Variants in PAPSS2 observed in about 807,000 individuals in gnomAD.
PAPSS2 encodes bifunctional 3'-phosphoadenosine 5'-phosphosulfate synthase 2.
Under a neutral mutation model 66.5 loss-of-function variants are expected in PAPSS2, and 61 were observed. The observed-to-expected ratio is 0.92, with a 90% confidence interval of 0.75 to 1.14. PAPSS2 has a LOEUF of 1.14. Among genes scored for constraint, PAPSS2 ranks in the 50% most tolerant of loss-of-function variants. The pLI is 0.00. For synonymous variants in PAPSS2, 289 were observed against 287.5 expected (o/e 1.01, Z -0.05); for missense variants, 708 against 789.6 (o/e 0.90, Z 1.24).
chr10:87,695,230 T>C (rs1853217678), intron 1 of PAPSS2, among the ~76,000 whole-genome samples: 1 of 152,224 alleles, frequency 6.6e-6, no homozygotes, highest in Non-Finnish European at 1.5e-5. Flanking sequence ...GGCTGCCTTC[T>C]TGCTATAAGC....
chr10:87,744,484 T>C (rs989392634), intron 11 of PAPSS2, among the ~76,000 whole-genome samples: 1 of 152,170 alleles, frequency 6.6e-6, no homozygotes, highest in African/African-American at 2.4e-5. Flanking sequence ...TTCTCTTCAA[T>C]CAGATAAAAG....
chr10:87,692,050 G>A (rs956577540), intron 1 of PAPSS2, among the ~76,000 whole-genome samples: 2 of 152,184 alleles, frequency 1.3e-5, no homozygotes, highest in African/African-American at 4.8e-5. Context: ...ACTTCTGGGA[G>A]CAATTAGCTA....
intron 1 of PAPSS2, among the ~76,000 whole-genome samples, chr10:87,706,759 A>AAACAAC (rs760847942): frequency 3.9e-5 from 6 of 151,974 alleles, no homozygotes; most frequent in Admixed American, 2.0e-4. Flanking sequence ...TCCCTGTCTC[A>AAACAAC]AACAACAACA....
intron 7 of PAPSS2, among the ~76,000 whole-genome samples, chr10:87,720,978 G>A (rs1177861648): frequency 1.3e-5 from 2 of 152,134 alleles, no homozygotes; most frequent in Non-Finnish European, 2.9e-5. Flanking sequence ...CATCCAAGTA[G>A]GATCAAGACA....
intron 7 of PAPSS2, among the ~76,000 whole-genome samples, 194 bp downstream of exon 7, chr10:87,716,037 G>T (rs375160772): frequency 3.3e-5 from 5 of 152,262 alleles, no homozygotes; most frequent in East Asian, 1.9e-4. Flanking sequence ...GTTCTCAAAG[G>T]TTGTTCCTTT....
chr10:87,714,808 A>G lies in PAPSS2; in HGVS notation c.584A>G (p.Asn195Ser), dbSNP rs990619445. The G allele has an allele frequency of 5.0e-6, 8 of 1,613,568 alleles. No homozygotes were observed. The highest frequency in any genetic ancestry group is 1.7e-5 in the Admixed American group (1 of 59,992). The part of the protein sequence containing the change: ...PETPERVLKT[N>S]LSTVSDCVHQ... ...ACTCCTGAGCGTGTGCTTAAAACCA[A>G]TTTGTCCACAGTGAGTGACTGTGTC... Residue 195 changes from asparagine (N) to serine (S), a missense_variant, in exon 5 of 13, where the codon AAT (asparagine) becomes AGT (serine). By Grantham distance (46) the Asn-to-Ser change is conservative. Transcript: ENST00000456849.
intron 2 of PAPSS2, among the ~76,000 whole-genome samples, chr10:87,712,140 TC>T (rs1404435570): frequency 6.6e-6 from 1 of 152,192 alleles, no homozygotes; most frequent in Non-Finnish European, 1.5e-5. Flanking sequence ...ATATAAAGAC[TC>T]TAGAGAATCT....
chr10:87,705,787 G>A (rs867963084), intron 1 of PAPSS2, among the ~76,000 whole-genome samples: 47 of 150,774 alleles, frequency 3.1e-4, no homozygotes, highest in African/African-American at 1.0e-3. Context: ...AGGCTGGAGC[G>A]TAGTGGCATG....
At chr10:87,707,995 T>C (rs1285527895) in intron 1 of PAPSS2, among the ~76,000 whole-genome samples, 1 of 152,214 alleles carries the variant, frequency 6.6e-6, no homozygotes. Context: ...CTGTCTGTCA[T>C]TAGAAATTCA....
intron 1 of PAPSS2, chr10:87,660,238 C>T (rs1372705635): frequency 9.9e-6 from 6 of 608,228 alleles, no homozygotes; most frequent in Admixed American, 2.9e-5. Flanking sequence ...ATCTGCGCTC[C>T]TTGGGGTCGC....
chr10:87,723,135 T>C (rs1853616476), intron 8 of PAPSS2, among the ~76,000 whole-genome samples: 1 of 152,238 alleles, frequency 6.6e-6, no homozygotes, highest in African/African-American at 2.4e-5. Flanking sequence ...CACATTTTGC[T>C]TTGCATTTTG....
In PAPSS2 at chr10:87,747,448, A is replaced by G. The variant is rs1001358059; in HGVS notation, c.*1478A>G. The G allele has an allele frequency of 1.3e-5, 2 of 152,318 alleles. No individual in the cohort carries two copies. The highest frequency in any genetic ancestry group is 4.8e-5 in the African/African-American group (2 of 41,400). 9.4% of individuals were successfully genotyped at this position (152,318 alleles called of 1,614,324 possible). The stretch of plus-strand genomic sequence containing the variant: ...GTTCTTTTGAGAATAAGTTACACAC[A>G]ATGGCCACAGCAGTTTGTCTTTAAT... On this transcript the variant is annotated 3_prime_UTR_variant, in exon 13 of 13. Transcript: ENST00000456849.
At chr10:87,712,651 C>T (rs1469783854) in intron 2 of PAPSS2, among the ~76,000 whole-genome samples, 2 of 151,988 alleles carry the variant, frequency 1.3e-5, no homozygotes, top group Non-Finnish European at 2.9e-5. Context: ...GATGCAGGGC[C>T]TCACTATGTT....
At chr10:87,724,197 C>A (rs528343013) in intron 8 of PAPSS2, among the ~76,000 whole-genome samples, 2 of 151,686 alleles carry the variant, frequency 1.3e-5, no homozygotes, top group East Asian at 3.9e-4. Context: ...TCCCTTTAAG[C>A]CCCAGACTGA....
At chr10:87,715,643 G>A (rs1450230457) in intron 6 of PAPSS2, 89 bp from the exon 7 acceptor site, 1 of 794,708 alleles carries the variant, frequency 1.3e-6, no homozygotes, top group Non-Finnish European at 2.2e-6. Flanking sequence ...TCATCCTCCT[G>A]TTAACTGAAT....
intron 9 of PAPSS2, among the ~76,000 whole-genome samples, chr10:87,731,644 T>G (rs2131723285): frequency 6.6e-6 from 1 of 152,292 alleles, no homozygotes; most frequent in South Asian, 2.1e-4. Flanking sequence ...ATATCAACAC[T>G]AATGGGAGTT....
At chr10:87,710,460 G>A (rs956724750) in intron 2 of PAPSS2, among the ~76,000 whole-genome samples, 2 of 152,172 alleles carry the variant, frequency 1.3e-5, no homozygotes, top group African/African-American at 4.8e-5. Flanking sequence ...AATTTGAGCA[G>A]TAGGTACAGC....
chr10:87,732,456 G>C (rs1853741434), intron 9 of PAPSS2, among the ~76,000 whole-genome samples: 1 of 151,944 alleles, frequency 6.6e-6, no homozygotes, highest in Non-Finnish European at 1.5e-5. Context: ...CTGGGAAGTC[G>C]AGGCTGCAGT....
chr10:87,723,277 T>G (rs1564724172), intron 8 of PAPSS2, among the ~76,000 whole-genome samples: 1 of 152,238 alleles, frequency 6.6e-6, no homozygotes, highest in Non-Finnish European at 1.5e-5. Context: ...GAAGGGGTTA[T>G]TCTTTGTTAG....
Sources: allele counts gnomAD v4.1 joint callset (sites outside exome capture counted in the v4.1 genomes callset), GRCh38; gene constraint gnomAD v4.1.1; transcripts MANE v1.5; gene names NCBI Gene and HGNC (gene_info 2026-07-23, HGNC 2026-07-21).